Variants in DNAH5 observed in about 807,000 individuals in gnomAD.
The protein encoded by DNAH5 is axonemal beta dynein heavy chain 5.
A neutral mutation model predicts 518.2 loss-of-function variants in DNAH5; 372 were observed. The ratio of observed to expected loss-of-function variants is 0.72; its 90% CI spans 0.66 to 0.78. The LOEUF (loss-of-function observed/expected upper bound fraction) is 0.78. Among genes scored for constraint, DNAH5 ranks in the 30% least tolerant of loss-of-function variants. The probability of loss-of-function intolerance (pLI) is 0.00; values close to 1 mark genes in which losing one functional copy is unlikely to be tolerated. For synonymous variants in DNAH5, 2,039 were observed against 2,025.9 expected, an observed-to-expected ratio of 1.01 and a Z score of -0.17; for missense variants, 5,523 against 5,687.0, an observed-to-expected ratio of 0.97 and a Z score of 0.93.
intron 8 of DNAH5, among the ~76,000 whole-genome samples, chr5:13,916,774 G>A (rs200198891): frequency 3.3e-5 from 5 of 151,740 alleles, no homozygotes; most frequent in South Asian, 2.1e-4. Flanking sequence ...AGGCACTTCC[G>A]AAAGCTAAAA....
intron 1 of DNAH5, among the ~76,000 whole-genome samples, chr5:14,002,727 T>C (rs1286185889): frequency 6.6e-6 from 1 of 152,096 alleles, no homozygotes; most frequent in Non-Finnish European, 1.5e-5. Context: ...TTGCAGTGTC[T>C]AACAGAAGAA....
chr5:13,867,916 T>C lies in DNAH5; in HGVS notation c.3911A>G (p.Tyr1304Cys). The C allele has an allele frequency of 6.2e-6, 10 of 1,614,076 alleles. No individual in the cohort carries two copies. Among genetic ancestry groups the C allele is most frequent in the Non-Finnish European group, 8.5e-6 (10 of 1,179,972 alleles). Residue 1304 changes from tyrosine (Y) to cysteine (C), a missense_variant, in exon 25 of 79, where the codon TAT (tyrosine) becomes TGT (cysteine). This residue lies in a region of DNAH5 where 5,121 missense variants were observed against 5,223.3 expected (regional missense o/e 0.98). Transcript: ENST00000265104. ...EEIDKVDTLH[Y>C]AWEKLLARAG... ...ACGTGCCAGCAGCTTCTCCCAAGCA[T>C]AGTGCAGTGTATCAACTTTGTCTAT...
chr5:13,714,458 G>A lies in DNAH5; in HGVS notation c.13072C>T (p.Arg4358Trp), dbSNP rs753960777. 95 of 1,613,962 alleles carry A rather than the reference G, an allele frequency of 5.9e-5. No individual in the cohort carries two copies. Among genetic ancestry groups the A allele is most frequent in the Middle Eastern group, 1.6e-4 (1 of 6,074 alleles). The change falls in exon 75 of 79, where the codon CGG (arginine) becomes TGG (tryptophan). Residue 4358 changes from arginine (R) to tryptophan (W), a missense_variant. By Grantham distance (101) the Arg-to-Trp change is moderately radical. Coordinates refer to ENST00000265104, the MANE Select transcript of DNAH5 (RefSeq NM_001369.3). ...GDETREAVVA[R>W]LADDMLEKLP... ...TTCTCCAGCATATCATCAGCCAGCC[G>A]GGCCACCACCGCCTCCCGGGTCTCA...
chr5:13,744,333 G>C (rs1019719432), intron 65 of DNAH5, among the ~76,000 whole-genome samples: 4 of 151,996 alleles, frequency 2.6e-5, no homozygotes, highest in Admixed American at 2.0e-4. Context: ...CTAGAGGCTG[G>C]GAAGGGTAGG....
At chr5:13,854,282 G>A (rs1050749674) in intron 30 of DNAH5, among the ~76,000 whole-genome samples, 11 of 152,180 alleles carry the variant, frequency 7.2e-5, no homozygotes, top group African/African-American at 2.4e-4. Flanking sequence ...CTTCATAAAT[G>A]AAGGAGAAAT....
At chr5:13,713,466 TAC>T (rs796551501) in intron 75 of DNAH5, among the ~76,000 whole-genome samples, 4,706 of 98,174 alleles carry the variant, frequency 0.048, 314 homozygotes, top group African/African-American at 0.062. Context: ...TATATATATA[TAC>T]ACACACCGAT....
intron 25 of DNAH5, 143 bp from the exon 26 acceptor site, chr5:13,866,425 C>A: frequency 2.8e-6 from 2 of 708,896 alleles, no homozygotes; most frequent in East Asian, 2.9e-5. Context: ...AAGGGCCTCA[C>A]AAAGTGATTC....
intron 47 of DNAH5, among the ~76,000 whole-genome samples, chr5:13,802,367 T>G (rs1043684420): frequency 6.6e-6 from 1 of 152,200 alleles, no homozygotes; most frequent in Non-Finnish European, 1.5e-5. Flanking sequence ...GCCCTAAACC[T>G]AGGGACAATT....
chr5:13,790,821 C>T (rs1003070550), intron 50 of DNAH5, among the ~76,000 whole-genome samples: 19 of 152,030 alleles, frequency 1.2e-4, no homozygotes, highest in Non-Finnish European at 2.5e-4. Context: ...AGTATGAAAA[C>T]GGACTAATAC....
At position 13,867,994 on chromosome 5, in the gene DNAH5, T is replaced by TAA. The variant is rs35398031; in HGVS notation, c.3835-4_3835-3dup. ...TCTGTTAAGCAGGGCATAAGATTCC[T>TAA]AAAAAAAAATAGGAAAAACTTAATT... On this transcript the variant is annotated splice_polypyrimidine_tract_variant and splice_region_variant and intron_variant, in intron 24 of 78. Transcript: ENST00000265104. The TAA allele has an allele frequency of 1.8e-5, 29 of 1,601,142 alleles. No individual in the cohort carries two copies. The highest frequency in any genetic ancestry group is 2.5e-5 in the Non-Finnish European group (29 of 1,170,548).
Position 13,922,296 on chromosome 5 carries a change from A to G in DNAH5, c.471T>C (p.Asp157=), listed in dbSNP as rs1777397626. ...GTCTCACACTGTTGAGCAGGCCTCC[A>G]TCTGCCGCATCTAACATGTTAAAAC... is the stretch of plus-strand genomic sequence containing the variant. ...EVSFNMLDAA[D]GGLLNSVRRL... The change falls in exon 5 of 79, where the codon GAT becomes GAC. Residue 157 remains aspartate, a synonymous_variant. Coordinates refer to ENST00000265104, the MANE Select transcript of DNAH5 (RefSeq NM_001369.3). The G allele has an allele frequency of 1.9e-6, 3 of 1,614,060 alleles. No individual in the cohort carries two copies. Among genetic ancestry groups the G allele is most frequent in the Non-Finnish European group, 2.5e-6 (3 of 1,179,958 alleles).
chr5:13,859,506 C>T lies in DNAH5; in HGVS notation c.4896G>A (p.Trp1632Ter), dbSNP rs1056752324. The T allele has an allele frequency of 6.2e-7, 1 of 1,614,038 alleles. No individual in the cohort carries two copies. The highest frequency in any genetic ancestry group is 1.1e-5 in the South Asian group (1 of 91,066). ...CCACAAAGACAGCTTCTAAATAAAT[C>T]CACAGGTTTTGCACCGTCATCCAGC... ...IESWMTVQNL[W>*]IYLEAVFVGG... Residue 1632 changes from tryptophan to a stop codon, truncating the protein, a stop_gained, in exon 30 of 79, where the codon TGG becomes TGA. Transcript: ENST00000265104. LOFTEE classifies it high-confidence loss of function.
chr5:13,902,234 TA>T, intron 12 of DNAH5, 96 bp from the exon 13 acceptor site: 3 of 870,028 alleles, frequency 3.4e-6, no homozygotes, highest in Non-Finnish European at 5.5e-6. Context: ...CAAACACATA[TA>T]ACATGGAACA....
intron 65 of DNAH5, among the ~76,000 whole-genome samples, chr5:13,750,583 C>T (rs896413980): frequency 6.6e-6 from 1 of 152,326 alleles, no homozygotes; most frequent in Middle Eastern, 3.4e-3. Flanking sequence ...CCCATCAGGA[C>T]ATACTACAGG....
At chr5:13,809,787 A>G (rs1760293674) in intron 45 of DNAH5, among the ~76,000 whole-genome samples, 2 of 152,228 alleles carry the variant, frequency 1.3e-5, no homozygotes, top group African/African-American at 2.4e-5. Flanking sequence ...AATGAGTGAC[A>G]GAAATGGATC....
chr5:13,851,893 C>T (rs935946956), intron 30 of DNAH5, among the ~76,000 whole-genome samples: 2 of 151,910 alleles, frequency 1.3e-5, no homozygotes, highest in African/African-American at 4.8e-5. Flanking sequence ...CTCATTGGGA[C>T]TGGTCAGACA....
rs147921766 is a variant in DNAH5 at position 13,694,861 on chromosome 5, T to C, written c.13724-2726A>G. Among the ~76,000 whole-genome samples the C allele has an allele frequency of 3.6e-3, 541 of 152,296 alleles. 16 individuals are homozygous for C. The highest frequency in any genetic ancestry group is 8.7e-4 in the Non-Finnish European group (59 of 68,016). Reference sequence around the variant, plus strand: ...CTAAGCATGTTAATAAAAGTAACAATTGAAAAAAATATTTATTATATGCTT... The same window carrying C: ...CTAAGCATGTTAATAAAAGTAACAACTGAAAAAAATATTTATTATATGCTT... On this transcript the variant is annotated intron_variant, in intron 78 of 78. Transcript: ENST00000265104.
intron 65 of DNAH5, among the ~76,000 whole-genome samples, chr5:13,741,439 C>T (rs1748531763): frequency 6.6e-6 from 1 of 152,056 alleles, no homozygotes. Flanking sequence ...TCTTTGTTTC[C>T]ATCTGTTATC....
At chr5:13,720,585 G>A (rs1048360669) in intron 71 of DNAH5, among the ~76,000 whole-genome samples, 1 of 152,058 alleles carries the variant, frequency 6.6e-6, no homozygotes, top group Non-Finnish European at 1.5e-5. Flanking sequence ...TGTTGCCCAA[G>A]CTGGTCTTGA....
Sources: gnomAD v4.1 joint callset for allele counts (sites outside exome capture counted in the v4.1 genomes callset) on GRCh38, gnomAD v4.1.1 for gene constraint, gnomAD v4.1.1 regional missense constraint, MANE v1.5 for transcripts, NCBI Gene and HGNC (gene_info 2026-07-23, HGNC 2026-07-21) for gene names.